Variants in MMP16 observed in about 807,000 individuals in gnomAD.
MMP16 encodes the protein matrix metalloproteinase-16.
In MMP16, 12 loss-of-function variants were observed where a neutral mutation model predicts 67.8. The ratio of observed to expected loss-of-function variants is 0.18; its 90% confidence interval spans 0.11 to 0.29. MMP16 has a LOEUF of 0.29. MMP16 is among the 10% of genes least tolerant of loss of function. The pLI, the probability that MMP16 is intolerant of heterozygous loss-of-function variation, is 1.00. For missense variants in MMP16, 475 were observed against 765.7 expected (o/e 0.62, Z 4.48); for synonymous variants, 249 against 255.9 (o/e 0.97, Z 0.26).
intron 1 of MMP16, among the ~76,000 whole-genome samples, chr8:88,204,772 A>T (rs917323305): frequency 2.6e-5 from 4 of 152,188 alleles, no homozygotes; most frequent in Admixed American, 2.6e-4. Flanking sequence ...ATTTCCTTAA[A>T]TTCTCTCCAA....
intron 1 of MMP16, among the ~76,000 whole-genome samples, chr8:88,322,357 A>G (rs1811473327): frequency 6.6e-6 from 1 of 152,224 alleles, no homozygotes; most frequent in African/African-American, 2.4e-5. Context: ...ACCTACGGGA[A>G]GAAAATGTAC....
chr8:88,204,440 A>C (rs2129800113), intron 1 of MMP16, among the ~76,000 whole-genome samples: 1 of 152,264 alleles, frequency 6.6e-6, no homozygotes, highest in South Asian at 2.1e-4. Context: ...GCTGTATTTC[A>C]AAGTGTTAAA....
At chr8:88,295,444 T>C (rs1357879152) in intron 1 of MMP16, among the ~76,000 whole-genome samples, 3 of 152,100 alleles carry the variant, frequency 2.0e-5, no homozygotes, top group South Asian at 2.1e-4. Context: ...GAAGATAATA[T>C]AGAACAAAAT....
chr8:88,187,787 TCTG>T (rs1411169755), intron 2 of MMP16, among the ~76,000 whole-genome samples: 33 of 152,340 alleles, frequency 2.2e-4, no homozygotes, highest in African/African-American at 7.7e-4. Context: ...ATTAAAAGAT[TCTG>T]CTTTCTTATT....
intron 1 of MMP16, among the ~76,000 whole-genome samples, chr8:88,249,113 C>T (rs1463164118): frequency 1.3e-5 from 2 of 151,912 alleles, no homozygotes; most frequent in East Asian, 1.9e-4. Flanking sequence ...ATAGGGGACA[C>T]TGAGCTGGAA....
intron 1 of MMP16, among the ~76,000 whole-genome samples, chr8:88,287,448 A>G (rs1810850052): frequency 6.6e-6 from 1 of 152,210 alleles, no homozygotes; most frequent in Admixed American, 6.5e-5. Flanking sequence ...TCATCTCATC[A>G]AGTGCATCTT....
intron 4 of MMP16, among the ~76,000 whole-genome samples, chr8:88,131,268 T>C (rs1037138855): frequency 6.8e-6 from 1 of 146,868 alleles, no homozygotes; most frequent in African/African-American, 2.5e-5. Context: ...TATAGTATTA[T>C]ACACACACAC....
intron 7 of MMP16, among the ~76,000 whole-genome samples, chr8:88,069,003 A>C (rs1808505657): frequency 6.6e-6 from 1 of 152,112 alleles, no homozygotes; most frequent in South Asian, 2.1e-4. Flanking sequence ...TACCCGGCCA[A>C]AATCAAGTAG....
intron 6 of MMP16, among the ~76,000 whole-genome samples, chr8:88,108,830 A>AAGCT (rs1007920847): frequency 2.6e-4 from 40 of 151,466 alleles, no homozygotes; most frequent in African/African-American, 9.6e-4. Context: ...TTTTCCATTC[A>AAGCT]AGCTTGGTAA....
chr8:88,043,899 G>A (rs1455647314), intron 9 of MMP16, among the ~76,000 whole-genome samples: 1 of 152,134 alleles, frequency 6.6e-6, no homozygotes, highest in Non-Finnish European at 1.5e-5. Flanking sequence ...ATGAATAACG[G>A]CATTGATCTA....
At chr8:88,168,072 T>G in intron 3 of MMP16, 99 bp from the exon 4 acceptor site, 2 of 833,020 alleles carry the variant, frequency 2.4e-6, no homozygotes, top group South Asian at 3.8e-5. Flanking sequence ...GAGAAAATAG[T>G]CATATTAAAT....
chr8:88,095,154 G>T (rs976833118), intron 6 of MMP16, among the ~76,000 whole-genome samples: 2 of 151,836 alleles, frequency 1.3e-5, no homozygotes, highest in Admixed American at 6.6e-5. Context: ...TGGAGGAAAA[G>T]AAGTCAATAA....
At chr8:88,202,855 C>T (rs1232749240) in intron 1 of MMP16, among the ~76,000 whole-genome samples, 1 of 151,862 alleles carries the variant, frequency 6.6e-6, no homozygotes, top group Non-Finnish European at 1.5e-5. Flanking sequence ...GTAAAATCCC[C>T]CTCAAATTTG....
intron 1 of MMP16, among the ~76,000 whole-genome samples, chr8:88,215,059 G>C (rs1347739119): frequency 6.6e-6 from 1 of 152,202 alleles, no homozygotes; most frequent in Non-Finnish European, 1.5e-5. Context: ...GCTGGGCGCT[G>C]TGGCTCACGC....
chr8:88,139,725 G>A (rs7819728), intron 4 of MMP16, among the ~76,000 whole-genome samples: 55,580 of 151,766 alleles, frequency 0.37, 10,501 homozygotes, highest in East Asian at 0.48. Flanking sequence ...AATTGGCCAT[G>A]TTTCAATTAG....
At chr8:88,235,275 T>C (rs1285267860) in intron 1 of MMP16, among the ~76,000 whole-genome samples, 1 of 151,250 alleles carries the variant, frequency 6.6e-6, no homozygotes, top group Non-Finnish European at 1.5e-5. Context: ...GCCTGTAATC[T>C]CAGCTACTTG....
chr8:88,297,780 C>G (rs899168958), intron 1 of MMP16, among the ~76,000 whole-genome samples: 1 of 152,166 alleles, frequency 6.6e-6, no homozygotes, highest in African/African-American at 2.4e-5. Flanking sequence ...GTTTCCTCAT[C>G]TGTAAAATGA....
intron 2 of MMP16, among the ~76,000 whole-genome samples, chr8:88,195,392 C>A (rs183549387): frequency 2.0e-4 from 30 of 152,140 alleles, no homozygotes; most frequent in Non-Finnish European, 2.6e-4. Flanking sequence ...TTCCCAAGTC[C>A]TCAGTTTATT....
intron 1 of MMP16, among the ~76,000 whole-genome samples, chr8:88,200,678 CA>C (rs924932536): frequency 5.3e-5 from 8 of 151,728 alleles, no homozygotes; most frequent in Non-Finnish European, 8.8e-5. Context: ...GACAGGCAAA[CA>C]AAATTTCAGC....
Sources: allele counts gnomAD v4.1 joint callset (sites outside exome capture counted in the v4.1 genomes callset), GRCh38; gene constraint gnomAD v4.1.1; transcripts MANE v1.5; gene names NCBI Gene and HGNC (gene_info 2026-07-23, HGNC 2026-07-21).